Variants in CLOCK observed in about 807,000 individuals in gnomAD.
CLOCK encodes circadian locomoter output cycles protein kaput.
A neutral mutation model predicts 118.4 loss-of-function variants in CLOCK; 43 were observed. That is an observed-to-expected ratio of 0.36 (90% CI 0.28 to 0.47). The LOEUF is 0.47. CLOCK is among the 20% of genes least tolerant of loss of function. CLOCK has a pLI of 1.00. For synonymous variants in CLOCK, 326 were observed against 339.2 expected (o/e 0.96, Z 0.43); for missense variants, 846 against 999.9 (o/e 0.85, Z 2.08).
At chr4:55,524,374 G>A (rs915754972) in intron 1 of CLOCK, among the ~76,000 whole-genome samples, 1 of 151,512 alleles carries the variant, frequency 6.6e-6, no homozygotes, top group African/African-American at 2.4e-5. Flanking sequence ...ACTCCAGCCT[G>A]GGCAACAGAG....
At chr4:55,443,124 C>CT (rs1351328798) in intron 20 of CLOCK, among the ~76,000 whole-genome samples, 3 of 152,132 alleles carry the variant, frequency 2.0e-5, no homozygotes, top group African/African-American at 7.2e-5. Context: ...CAGAAATAGT[C>CT]TAAGTTACAA....
chr4:55,451,852 G>A (rs1279858074), intron 15 of CLOCK, among the ~76,000 whole-genome samples: 1 of 152,152 alleles, frequency 6.6e-6, no homozygotes, highest in Non-Finnish European at 1.5e-5. Flanking sequence ...ATCCATGAAA[G>A]CAGGGAAGTT....
At chr4:55,456,182 C>T (rs934585250) in intron 12 of CLOCK, 36 bp downstream of exon 12, 2 of 1,453,936 alleles carry the variant, frequency 1.4e-6, no homozygotes. Context: ...TATAACATGA[C>T]TATTACCTTT....
chr4:55,520,140 T>A (rs11722415), intron 1 of CLOCK, among the ~76,000 whole-genome samples: 5,135 of 152,352 alleles, frequency 0.034, 105 homozygotes, highest in Non-Finnish European at 0.054. Flanking sequence ...AAAACTGTCA[T>A]AGAAGCCCTC....
In CLOCK at chr4:55,435,173, A is replaced by G; in HGVS notation, c.*242T>C. On this transcript the variant is annotated 3_prime_UTR_variant, in exon 23 of 23. Transcript: ENST00000513440. Reference sequence around the variant, plus strand: ...ATTCTTTTTCCATCAAAAAATATCCAGGCACCTAAAACACTGTCAGAACTG... The same window carrying G: ...ATTCTTTTTCCATCAAAAAATATCCGGGCACCTAAAACACTGTCAGAACTG... The G allele has an allele frequency of 1.9e-6, 1 of 529,426 alleles. No individual in the cohort carries two copies. Among genetic ancestry groups the G allele is most frequent in the Non-Finnish European group, 3.4e-6 (1 of 291,864 alleles). 32.8% of individuals were successfully genotyped at this position (529,426 alleles called of 1,614,324 possible).
At chr4:55,546,398 G>C (rs1486319733) in intron 1 of CLOCK, 1 of 152,594 alleles carries the variant, frequency 6.6e-6, no homozygotes, top group Admixed American at 6.5e-5. Flanking sequence ...TTGGGCTTCA[G>C]CTCCCGCCTT....
chr4:55,448,614 G>A (rs541745689), intron 18 of CLOCK, among the ~76,000 whole-genome samples, 165 bp downstream of exon 18: 1 of 119,038 alleles, frequency 8.4e-6, no homozygotes, highest in Non-Finnish European at 1.8e-5. Flanking sequence ...GTGTGTGTGT[G>A]TGTGTGTGTG....
intron 9 of CLOCK, among the ~76,000 whole-genome samples, chr4:55,463,458 A>T (rs1398801041): frequency 6.6e-6 from 1 of 152,114 alleles, no homozygotes; most frequent in African/African-American, 2.4e-5. Context: ...GGAGTCCAGG[A>T]TTTATTATAA....
chr4:55,521,829 G>A (rs143057703), intron 1 of CLOCK, among the ~76,000 whole-genome samples: 1 of 152,178 alleles, frequency 6.6e-6, no homozygotes, highest in Non-Finnish European at 1.5e-5. Context: ...GAGTGTGTAT[G>A]TAACTAGACA....
intron 18 of CLOCK, among the ~76,000 whole-genome samples, chr4:55,447,602 T>A (rs921608929): frequency 6.6e-5 from 10 of 152,294 alleles, no homozygotes; most frequent in Admixed American, 2.6e-4. Flanking sequence ...CATGAATGCT[T>A]ACTAACATTT....
intron 2 of CLOCK, among the ~76,000 whole-genome samples, chr4:55,491,976 T>C (rs1727730636): frequency 6.6e-6 from 1 of 152,026 alleles, no homozygotes; most frequent in African/African-American, 2.4e-5. Flanking sequence ...TACCAAACAC[T>C]GAAAGAATTA....
At chr4:55,466,757 C>A (rs1395624700) in intron 8 of CLOCK, among the ~76,000 whole-genome samples, 1 of 152,216 alleles carries the variant, frequency 6.6e-6, no homozygotes, top group African/African-American at 2.4e-5. Context: ...CACTTAAAAT[C>A]TCTAAATGAG....
intron 8 of CLOCK, among the ~76,000 whole-genome samples, chr4:55,468,244 G>A (rs2109844257): frequency 6.6e-6 from 1 of 152,176 alleles, no homozygotes; most frequent in Middle Eastern, 3.4e-3. Flanking sequence ...AAAGGTGTGA[G>A]CCACTGCACC....
At chr4:55,533,720 T>C (rs2110095176) in intron 1 of CLOCK, among the ~76,000 whole-genome samples, 1 of 152,080 alleles carries the variant, frequency 6.6e-6, no homozygotes, top group Middle Eastern at 3.4e-3. Flanking sequence ...TTGGCCAACA[T>C]GGTGAAATCC....
At chr4:55,514,950 A>G (rs371859046) in intron 1 of CLOCK, among the ~76,000 whole-genome samples, 1 of 152,200 alleles carries the variant, frequency 6.6e-6, no homozygotes, top group African/African-American at 2.4e-5. Context: ...GAATGTTAAC[A>G]TTGGTGTAAT....
chr4:55,495,349 T>TC (rs1727995198), intron 2 of CLOCK, among the ~76,000 whole-genome samples: 1 of 152,146 alleles, frequency 6.6e-6, no homozygotes, highest in Non-Finnish European at 1.5e-5. Context: ...GTAACCTCTC[T>TC]CCCCTCTGGG....
chr4:55,533,765 T>C (rs1730705707), intron 1 of CLOCK, among the ~76,000 whole-genome samples: 2 of 152,084 alleles, frequency 1.3e-5, no homozygotes, highest in African/African-American at 4.8e-5. Flanking sequence ...TAGCCAGGCA[T>C]GGTGGCACAC....
intron 2 of CLOCK, among the ~76,000 whole-genome samples, chr4:55,494,018 G>C (rs1560456441): frequency 6.6e-6 from 1 of 152,152 alleles, no homozygotes; most frequent in South Asian, 2.1e-4. Flanking sequence ...TATTTTTCAA[G>C]TAATGTCTGA....
intron 1 of CLOCK, chr4:55,545,337 C>A (rs1473888387): frequency 2.0e-5 from 3 of 152,164 alleles, no homozygotes; most frequent in Non-Finnish European, 4.4e-5. Context: ...AATTCATTAT[C>A]TAAATTACAT....
Sources: gnomAD v4.1 joint callset for allele counts (sites outside exome capture counted in the v4.1 genomes callset) on GRCh38, gnomAD v4.1.1 for gene constraint, MANE v1.5 for transcripts, NCBI Gene and HGNC (gene_info 2026-07-23, HGNC 2026-07-21) for gene names.